CABIN1: variants seen among roughly 807,000 people sequenced by gnomAD.
CABIN1 encodes calcineurin-binding protein cabin-1.
Under a neutral mutation model 227.7 loss-of-function variants are expected in CABIN1, and 133 were observed. The ratio of observed to expected loss-of-function variants is 0.58; its 90% CI spans 0.51 to 0.67. The LOEUF (loss-of-function observed/expected upper bound fraction) is 0.67, where lower values mean the gene tolerates loss of function less well. CABIN1 is among the 30% of genes least tolerant of loss of function. CABIN1 has a pLI of 0.00. For synonymous variants in CABIN1, 1,086 were observed against 1,155.1 expected (o/e 0.94, Z 1.21); for missense variants, 2,408 against 2,852.5 (o/e 0.84, Z 3.55).
intron 23 of CABIN1, among the ~76,000 whole-genome samples, chr22:24,088,766 A>T (rs2041346860): frequency 6.6e-6 from 1 of 152,176 alleles, no homozygotes; most frequent in African/African-American, 2.4e-5. Context: ...AGTACTTTTT[A>T]TACATAAATA....
chr22:24,059,295 A>G lies in CABIN1; in HGVS notation c.1331A>G (p.Lys444Arg). ...FNNYEVQSEAKLESFPSIGPQ... is the reference protein window; with the variant it reads ...FNNYEVQSEARLESFPSIGPQ... ...AACTATGAAGTCCAGTCAGAAGCCAAACTGGAAAGCTTCCCAAGCATTGGG... is the reference window on the plus strand; with the variant it reads ...AACTATGAAGTCCAGTCAGAAGCCAGACTGGAAAGCTTCCCAAGCATTGGG... The change falls in exon 11 of 37, where the codon AAA (lysine) becomes AGA (arginine). Residue 444 changes from lysine (K) to arginine (R), a missense_variant. Lys to Arg is a conservative substitution (Grantham distance 26). Around this residue, in one of 3 missense-constraint regions of CABIN1, gnomAD observed 1,045 missense variants for 1,168.4 expected, o/e 0.89. Coordinates refer to ENST00000263119, the MANE Select transcript of CABIN1 (RefSeq NM_012295.4). 1 of 1,614,174 alleles carries G rather than the reference A, an allele frequency of 6.2e-7. No individual in the cohort carries two copies. The highest frequency in any genetic ancestry group is 1.1e-5 in the South Asian group (1 of 91,084).
chr22:24,124,134 G>T lies in CABIN1; in HGVS notation c.4632+4436G>T, dbSNP rs369776330. 6.0e-4 allele frequency among the ~76,000 whole-genome samples: 92 copies of T among 152,366 alleles called. 1 individual carries two copies. The South Asian group carries it at 0.018, about 29-fold the overall frequency. The stretch of plus-strand genomic sequence containing the variant: ...TCACCTGGGTTCAGATCCTCGCTCC[G>T]CATGGGAACTCTTGGAGGTCCAGGG... On this transcript the variant is annotated intron_variant, in intron 28 of 36. Coordinates refer to ENST00000263119, the MANE Select transcript of CABIN1 (RefSeq NM_012295.4).
chr22:24,049,457 T>C (rs2038155014), intron 7 of CABIN1, among the ~76,000 whole-genome samples: 1 of 152,212 alleles, frequency 6.6e-6, no homozygotes, highest in Non-Finnish European at 1.5e-5. Flanking sequence ...CCTCTCCTGC[T>C]GTCCTGCCAG....
At chr22:24,022,985 GA>G (rs1338456864) in intron 1 of CABIN1, among the ~76,000 whole-genome samples, 1 of 152,114 alleles carries the variant, frequency 6.6e-6, no homozygotes, top group African/African-American at 2.4e-5. Context: ...GTGGCATAAA[GA>G]ACATTCACAA....
intron 1 of CABIN1, among the ~76,000 whole-genome samples, chr22:24,023,844 A>C (rs567594102): frequency 3.4e-4 from 51 of 151,406 alleles, no homozygotes; most frequent in Non-Finnish European, 6.9e-4. Flanking sequence ...AGCAGTTCTC[A>C]TGCCTCAGCC....
chr22:24,096,806 A>T (rs1296881076), intron 25 of CABIN1, among the ~76,000 whole-genome samples: 1 of 152,210 alleles, frequency 6.6e-6, no homozygotes, highest in Non-Finnish European at 1.5e-5. Context: ...GCTTGCCCAC[A>T]TGGGAGCCAG....
intron 29 of CABIN1, 85 bp downstream of exon 29, chr22:24,134,500 GT>G (rs1478453125): frequency 8.8e-7 from 1 of 1,131,966 alleles, no homozygotes; most frequent in Non-Finnish European, 1.3e-6. Flanking sequence ...CCCTAGGTGG[GT>G]GTTCCCAGGG....
At chr22:24,123,295 A>C (rs148579131) in intron 28 of CABIN1, among the ~76,000 whole-genome samples, 2,091 of 152,152 alleles carry the variant, frequency 0.014, 46 homozygotes, top group African/African-American at 0.047. Context: ...TCAGAAATGG[A>C]ATGCTATCTT....
chr22:24,111,035 T>G (rs2042781474), intron 26 of CABIN1, among the ~76,000 whole-genome samples: 1 of 152,338 alleles, frequency 6.6e-6, no homozygotes, highest in South Asian at 2.1e-4. Context: ...TGACTCCGAT[T>G]AGCATGTTGG....
chr22:24,156,567 C>T (rs2045831508), intron 29 of CABIN1: 1 of 152,634 alleles, frequency 6.6e-6, no homozygotes, highest in Non-Finnish European at 1.5e-5. Context: ...CCGTGCCGCT[C>T]TTGGGGATGG....
intron 5 of CABIN1, 85 bp from the exon 6 acceptor site, chr22:24,042,819 T>C (rs1230974432): frequency 1.4e-4 from 26 of 186,958 alleles, no homozygotes; most frequent in Non-Finnish European, 2.2e-4. Context: ...GAGATCTGAC[T>C]GTGTGTGTGT....
At chr22:24,057,675 T>G (rs559967115) in intron 10 of CABIN1, among the ~76,000 whole-genome samples, 3 of 152,222 alleles carry the variant, frequency 2.0e-5, no homozygotes, top group Non-Finnish European at 4.4e-5. Flanking sequence ...GTTTGTAAAT[T>G]TATTTTACAG....
intron 1 of CABIN1, among the ~76,000 whole-genome samples, chr22:24,022,434 A>G (rs960925139): frequency 6.6e-6 from 1 of 152,218 alleles, no homozygotes; most frequent in Non-Finnish European, 1.5e-5. Flanking sequence ...GTTGTTTCAT[A>G]TATCAATTGT....
chr22:24,116,114 C>T (rs557622071), intron 27 of CABIN1, among the ~76,000 whole-genome samples: 233 of 152,312 alleles, frequency 1.5e-3, no homozygotes, highest in Middle Eastern at 3.4e-3. Flanking sequence ...GACCGAGGTG[C>T]CTTGAGGAAA....
chr22:24,071,129 T>C, intron 17 of CABIN1, 87 bp downstream of exon 17: 1 of 1,575,398 alleles, frequency 6.3e-7, no homozygotes, highest in Non-Finnish European at 8.7e-7. Context: ...ATAGCTTTCA[T>C]TGCTAATTAG....
At chr22:24,151,178 G>T (rs973687269) in intron 29 of CABIN1, among the ~76,000 whole-genome samples, 1 of 152,116 alleles carries the variant, frequency 6.6e-6, no homozygotes, top group East Asian at 1.9e-4. Flanking sequence ...CTACCAGAGT[G>T]CCTGTTCCCG....
intron 28 of CABIN1, among the ~76,000 whole-genome samples, chr22:24,129,105 C>T (rs1018053779): frequency 5.3e-5 from 8 of 152,184 alleles, no homozygotes; most frequent in Non-Finnish European, 1.0e-4. Flanking sequence ...CGGCTTTGCA[C>T]ATCTTGGGAC....
At chr22:24,044,666 T>A (rs912102007) in intron 6 of CABIN1, among the ~76,000 whole-genome samples, 6 of 152,220 alleles carry the variant, frequency 3.9e-5, no homozygotes, top group Non-Finnish European at 8.8e-5. Context: ...ATAGCCAATT[T>A]TATTGCTCAC....
Position 24,091,591 on chromosome 22 carries a change from C to T in CABIN1, c.3534C>T (p.Gly1178=), listed in dbSNP as rs1317801188. The T allele has an allele frequency of 6.2e-7, 1 of 1,614,166 alleles. No homozygotes were observed. Among genetic ancestry groups the T allele is most frequent in the Non-Finnish European group, 8.5e-7 (1 of 1,180,046 alleles). The part of the protein sequence containing the change: ...LPPELVQQME[G]RRDSMLETAK... ...TCATGATCTTCTTACAGATGGAGGG[C>T]CGGCGCGACAGCATGCTAGAGACAG... Residue 1178 remains glycine (G), a synonymous_variant, in exon 24 of 37, where the codon GGC becomes GGT. Transcript: ENST00000263119.
Sources: allele counts gnomAD v4.1 joint callset (sites outside exome capture counted in the v4.1 genomes callset), GRCh38; gene constraint gnomAD v4.1.1; regional missense constraint gnomAD v4.1.1; transcripts MANE v1.5; gene names NCBI Gene and HGNC (gene_info 2026-07-23, HGNC 2026-07-21).